Variants in NLGN4X observed in about 807,000 individuals in gnomAD.
NLGN4X encodes the protein neuroligin-4, X-linked.
Under a neutral mutation model 40.3 loss-of-function variants are expected in NLGN4X, and 3 were observed. The observed-to-expected ratio is 0.07, with a 90% CI of 0.03 to 0.19. NLGN4X has a LOEUF of 0.19. NLGN4X is among the 10% of genes least tolerant of loss of function. The pLI, the probability that NLGN4X is intolerant of heterozygous loss-of-function variation, is 1.00. For synonymous variants in NLGN4X, 270 were observed against 306.8 expected (o/e 0.88, Z 1.25); for missense variants, 382 against 708.3 (o/e 0.54, Z 5.23).
At chrX:6,172,039 C>T (rs1338059759) in intron 1 of NLGN4X, among the ~76,000 whole-genome samples, 3 of 111,744 alleles carry the variant, frequency 2.7e-5, no homozygotes, top group Admixed American at 9.5e-5. Flanking sequence ...ATGATTGACA[C>T]GTTCCTGAGG....
intron 3 of NLGN4X, among the ~76,000 whole-genome samples, chrX:6,000,284 C>G (rs2035939704): frequency 8.9e-6 from 1 of 112,355 alleles, no homozygotes; most frequent in Non-Finnish European, 1.9e-5. Flanking sequence ...TGTCCCTTTT[C>G]TGCAACAAAT....
intron 2 of NLGN4X, among the ~76,000 whole-genome samples, chrX:6,047,827 C>T (rs185528031): frequency 8.9e-6 from 1 of 111,747 alleles, no homozygotes; most frequent in African/African-American, 3.3e-5. Flanking sequence ...AGGACGTGCA[C>T]CACTCCACCC....
chrX:6,047,842 T>C (rs1454455482), intron 2 of NLGN4X, among the ~76,000 whole-genome samples: 1 of 111,839 alleles, frequency 8.9e-6, no homozygotes, highest in Non-Finnish European at 1.9e-5. Context: ...CCACCCCACA[T>C]GGGCCCTCCA....
intron 1 of NLGN4X, among the ~76,000 whole-genome samples, chrX:6,172,949 G>A (rs57037455): frequency 0.14 from 15,904 of 111,862 alleles, 902 homozygotes; most frequent in Middle Eastern, 0.24. Flanking sequence ...TGATGGCTGT[G>A]AGTATGCAGA....
intron 2 of NLGN4X, among the ~76,000 whole-genome samples, chrX:6,035,075 C>T (rs2036967849): frequency 1.8e-5 from 2 of 111,991 alleles, no homozygotes; most frequent in South Asian, 7.4e-4. Flanking sequence ...TTCTCATGTA[C>T]ACTGTCTTTG....
chrX:6,135,134 C>A (rs1316688120), intron 2 of NLGN4X, among the ~76,000 whole-genome samples: 1 of 111,958 alleles, frequency 8.9e-6, no homozygotes, highest in Non-Finnish European at 1.9e-5. Flanking sequence ...TCCCATCTGG[C>A]ATTAAATCTC....
At chrX:6,136,728 A>G (rs145884182) in intron 2 of NLGN4X, among the ~76,000 whole-genome samples, 4 of 112,230 alleles carry the variant, frequency 3.6e-5, no homozygotes, top group Non-Finnish European at 7.5e-5. Flanking sequence ...AAACAAATCC[A>G]ATGTCCTGCC....
chrX:6,068,356 C>T (rs1278684851), intron 2 of NLGN4X, among the ~76,000 whole-genome samples: 1 of 111,156 alleles, frequency 9.0e-6, no homozygotes, highest in Non-Finnish European at 1.9e-5. Context: ...CCTGCACCCA[C>T]ATGCAGGCAG....
intron 2 of NLGN4X, among the ~76,000 whole-genome samples, chrX:6,098,945 G>C (rs1241736943): frequency 1.8e-5 from 2 of 112,126 alleles, no homozygotes; most frequent in South Asian, 7.4e-4. Context: ...ACTGCTGGAA[G>C]AGTTTCTCAA....
chrX:6,076,832 G>A (rs1386035952), intron 2 of NLGN4X, among the ~76,000 whole-genome samples: 2 of 112,243 alleles, frequency 1.8e-5, no homozygotes, highest in Non-Finnish European at 3.8e-5. Flanking sequence ...ACAGGCAAAT[G>A]ATGAGATATG....
chrX:5,993,497 A>T (rs142255582), intron 3 of NLGN4X, among the ~76,000 whole-genome samples: 1,791 of 111,296 alleles, frequency 0.016, 34 homozygotes, highest in African/African-American at 0.056. Flanking sequence ...CTTCAAACTC[A>T]CTCTGACAAC....
chrX:6,057,406 G>C (rs183293279), intron 2 of NLGN4X, among the ~76,000 whole-genome samples: 13 of 111,988 alleles, frequency 1.2e-4, no homozygotes, highest in Non-Finnish European at 2.3e-4. Context: ...CCAAGGCAGA[G>C]ATGACCACAC....
chrX:5,958,271 T>TA (rs1486587653), intron 3 of NLGN4X, among the ~76,000 whole-genome samples: 1 of 111,727 alleles, frequency 9.0e-6, no homozygotes, highest in East Asian at 2.8e-4. Flanking sequence ...ATGTCTGGAT[T>TA]AAAAAAAGAA....
intron 3 of NLGN4X, among the ~76,000 whole-genome samples, chrX:6,004,554 C>T (rs181935881): frequency 5.4e-4 from 60 of 111,640 alleles, no homozygotes; most frequent in African/African-American, 1.9e-3. Context: ...GAAATGAAAA[C>T]GAAATGTTTC....
At chrX:6,228,432 T>C (rs1926569278) in intron 1 of NLGN4X, 109 bp downstream of exon 1, 1 of 111,864 alleles carries the variant, frequency 8.9e-6, no homozygotes, top group Non-Finnish European at 1.9e-5. Context: ...GAAGTGAAGC[T>C]CAAGTATCTG....
chrX:6,030,425 C>T lies in NLGN4X; in HGVS notation c.473-993G>A, dbSNP rs750782617. Among the ~76,000 whole-genome samples, 5 of 43,555 alleles carry T rather than the reference C, an allele frequency of 1.1e-4. No individual in the cohort carries two copies. In the South Asian group the frequency reaches 4.0e-3, roughly 35 times the overall value. The allele number at this position is 43,555 out of a possible 115,157, so 37.8% of individuals were successfully genotyped here. A position where few individuals can be genotyped will look rare whatever the true frequency, so the allele number is the denominator to read the frequency against. ...GTGTGTGTGTGTGTGTGTGTGTGTA[C>T]AATTTAAATATCTTTGTAACTAAAA... On this transcript the variant is annotated intron_variant, in intron 2 of 5. Coordinates refer to ENST00000381095, the MANE Select transcript of NLGN4X (RefSeq NM_181332.3).
intron 1 of NLGN4X, among the ~76,000 whole-genome samples, chrX:6,221,039 A>G (rs1250272845): frequency 9.2e-6 from 1 of 109,221 alleles, no homozygotes; most frequent in African/African-American, 3.3e-5. Flanking sequence ...CGCCTGGCCA[A>G]CTTTATAACT....
chrX:6,008,001 T>G (rs2036146326), intron 3 of NLGN4X, among the ~76,000 whole-genome samples: 1 of 111,942 alleles, frequency 8.9e-6, no homozygotes, highest in Non-Finnish European at 1.9e-5. Context: ...TTGTTTAGTT[T>G]GTTTATATGC....
chrX:6,143,212 C>T (rs12842886), intron 2 of NLGN4X, among the ~76,000 whole-genome samples: 28,372 of 111,279 alleles, frequency 0.25, 2,635 homozygotes, highest in Admixed American at 0.29. Flanking sequence ...CTATTTTAGA[C>T]ATAAGGACAC....
Sources: gnomAD v4.1 joint callset for allele counts (sites outside exome capture counted in the v4.1 genomes callset) on GRCh38, gnomAD v4.1.1 for gene constraint, MANE v1.5 for transcripts, NCBI Gene and HGNC (gene_info 2026-07-23, HGNC 2026-07-21) for gene names.